SVEP1: variants seen among roughly 807,000 people sequenced by gnomAD.
SVEP1 encodes the protein sushi, von Willebrand factor type A, EGF and pentraxin domain containing 1.
In SVEP1, 164 loss-of-function variants were observed where a neutral mutation model predicts 367.3. The ratio of observed to expected loss-of-function variants is 0.45; its 90% CI spans 0.39 to 0.51. SVEP1 has a LOEUF of 0.51. Among genes scored for constraint, SVEP1 ranks in the 20% least tolerant of loss-of-function variants. SVEP1 has a pLI of 0.00. For synonymous variants in SVEP1, 1,666 were observed against 1,611.6 expected (o/e 1.03, Z -0.81); for missense variants, 4,117 against 4,425.3 (o/e 0.93, Z 1.98).
intron 36 of SVEP1, among the ~76,000 whole-genome samples, chr9:110,425,059 C>G (rs965712474): frequency 2.0e-5 from 3 of 152,132 alleles, no homozygotes; most frequent in African/African-American, 7.3e-5. Flanking sequence ...TCCTTCCAGT[C>G]TGGCCACTTT....
chr9:110,506,763 G>A (rs1003795889), intron 5 of SVEP1, among the ~76,000 whole-genome samples: 6 of 151,990 alleles, frequency 3.9e-5, no homozygotes, highest in South Asian at 2.1e-4. Context: ...AGGGAGGAGC[G>A]TAAAGGAGAA....
intron 3 of SVEP1, among the ~76,000 whole-genome samples, chr9:110,516,582 C>T (rs1370321210): frequency 6.6e-6 from 1 of 152,014 alleles, no homozygotes; most frequent in African/African-American, 2.4e-5. Flanking sequence ...CAGTAAATAT[C>T]TGATCAGGAT....
chr9:110,509,321 GA>G (rs1483475533), intron 5 of SVEP1, among the ~76,000 whole-genome samples: 2 of 152,198 alleles, frequency 1.3e-5, no homozygotes, highest in Admixed American at 1.3e-4. Context: ...AACAATATCT[GA>G]TGTAACTAAA....
chr9:110,402,832 G>T (rs1384744884), intron 39 of SVEP1, among the ~76,000 whole-genome samples: 1 of 152,098 alleles, frequency 6.6e-6, no homozygotes, highest in Non-Finnish European at 1.5e-5. Flanking sequence ...TAATAATTTG[G>T]CAATTATTTA....
Position 110,503,168 on chromosome 9 carries a change from A to G in SVEP1, c.1353T>C (p.Cys451=), listed in dbSNP as rs10120982. ...TCTTATATAACATTTCCCTTGTAGA[A>G]CAGCTGATGTGGCCATGTTTCGGCT... is the stretch of plus-strand genomic sequence containing the variant. ...LRQPKHGHIS[C]STREMLYKTT... is the part of the protein sequence containing the mutation. Residue 451 remains cysteine (C), a synonymous_variant, in exon 6 of 48, where the codon TGT becomes TGC. Transcript: ENST00000374469. The G allele has an allele frequency of 2.5e-3, 4,103 of 1,613,996 alleles. 61 individuals carry two copies. The African/African-American group carries it at 0.037, about 14-fold the overall frequency.
chr9:110,366,012 G>A lies in SVEP1; in HGVS notation c.*527C>T, dbSNP rs1827193365. 2 of 152,194 alleles carry A rather than the reference G, an allele frequency of 1.3e-5. No individual in the cohort carries two copies. The highest frequency in any genetic ancestry group is 4.8e-5 in the African/African-American group (2 of 41,430). 9.4% of individuals were successfully genotyped at this position (152,194 alleles called of 1,614,324 possible). On this transcript the variant is annotated 3_prime_UTR_variant, in exon 48 of 48. Transcript: ENST00000374469. ...TCTGATTGATTAAATGAAAGAAAAAGCTTTTATTATTACACATATTGTATA... is the reference window on the plus strand; with the variant it reads ...TCTGATTGATTAAATGAAAGAAAAAACTTTTATTATTACACATATTGTATA...
intron 8 of SVEP1, among the ~76,000 whole-genome samples, chr9:110,492,508 A>G (rs1013280270): frequency 6.6e-6 from 1 of 152,084 alleles, no homozygotes; most frequent in Non-Finnish European, 1.5e-5. Context: ...ACTTTATTAA[A>G]AAGACTATAT....
chr9:110,565,715 G>C (rs1438265607), intron 1 of SVEP1, among the ~76,000 whole-genome samples: 3 of 151,976 alleles, frequency 2.0e-5, no homozygotes, highest in Admixed American at 6.6e-5. Flanking sequence ...CCTTCTCTTA[G>C]TCCTGTATCT....
At chr9:110,503,629 T>C (rs1829575392) in intron 5 of SVEP1, among the ~76,000 whole-genome samples, 2 of 152,218 alleles carry the variant, frequency 1.3e-5, no homozygotes, top group South Asian at 4.1e-4. Context: ...AGGTTCATGA[T>C]CGACTTGGTT....
At chr9:110,520,942 T>C (rs1022440687) in intron 3 of SVEP1, among the ~76,000 whole-genome samples, 2 of 152,184 alleles carry the variant, frequency 1.3e-5, no homozygotes, top group African/African-American at 2.4e-5. Context: ...CCCCTGGAGT[T>C]GTACAACACC....
intron 43 of SVEP1, among the ~76,000 whole-genome samples, chr9:110,385,415 C>T (rs544185237): frequency 6.0e-4 from 91 of 152,320 alleles, no homozygotes; most frequent in African/African-American, 2.0e-3. Context: ...GTGCTAGCAA[C>T]GTAGTGCTTG....
At chr9:110,556,305 G>A (rs1830357059) in intron 1 of SVEP1, among the ~76,000 whole-genome samples, 1 of 152,066 alleles carries the variant, frequency 6.6e-6, no homozygotes, top group East Asian at 1.9e-4. Context: ...TTTGAAAAAT[G>A]GTCTTGAAAG....
chr9:110,392,282 T>C (rs1461074935), intron 40 of SVEP1, among the ~76,000 whole-genome samples: 1 of 151,976 alleles, frequency 6.6e-6, no homozygotes, highest in African/African-American at 2.4e-5. Context: ...TTTATTTGTC[T>C]TGGACACTGA....
In SVEP1 at chr9:110,469,112, A is replaced by G; in HGVS notation, c.2999-11T>C. On this transcript the variant is annotated splice_polypyrimidine_tract_variant and intron_variant, in intron 16 of 47. Transcript: ENST00000374469. ...CCAAAGGGCAATTGACTACAGAAAA[A>G]GCAAACAGGAAACACTGAATAAACT... 6.2e-7 allele frequency: 1 copy of G among 1,607,358 alleles called. No individual in the cohort carries two copies. The highest frequency in any genetic ancestry group is 8.5e-7 in the Non-Finnish European group (1 of 1,176,508).
At chr9:110,539,006 T>C (rs1361517310) in intron 3 of SVEP1, among the ~76,000 whole-genome samples, 1 of 152,142 alleles carries the variant, frequency 6.6e-6, no homozygotes, top group Non-Finnish European at 1.5e-5. Flanking sequence ...ACCTTTGTGC[T>C]AGGAATCCTG....
chr9:110,451,981 C>T (rs1828700946), intron 22 of SVEP1, among the ~76,000 whole-genome samples: 1 of 152,126 alleles, frequency 6.6e-6, no homozygotes, highest in South Asian at 2.1e-4. Flanking sequence ...AGGACAGGCA[C>T]AGAAATGAGC....
In SVEP1 at chr9:110,404,572, A is replaced by G; in HGVS notation, c.9441-20T>C. 6.2e-6 allele frequency: 10 copies of G among 1,607,424 alleles called. No homozygotes were observed. Among genetic ancestry groups the G allele is most frequent in the Non-Finnish European group, 8.5e-6 (10 of 1,173,898 alleles). On this transcript the variant is annotated intron_variant, in intron 38 of 47. Transcript: ENST00000374469. ...AGACATCTGCAATGGAAATGCAAAAATGAGTGCCTTAAATGAAGTACAATA... is the reference window on the plus strand; with the variant it reads ...AGACATCTGCAATGGAAATGCAAAAGTGAGTGCCTTAAATGAAGTACAATA...
chr9:110,579,633 C>T lies in SVEP1; in HGVS notation c.-90G>A, dbSNP rs1438146513. Reference sequence around the variant, plus strand: ...GCGGCCGGACTCGCAGAGGGGCGTGCGCGGAGCTGGGCGCGGGGCAGCGGC... The same window carrying T: ...GCGGCCGGACTCGCAGAGGGGCGTGTGCGGAGCTGGGCGCGGGGCAGCGGC... On this transcript the variant is annotated 5_prime_UTR_variant, in exon 1 of 48. Transcript: ENST00000374469. This position sits in a 1 kb window ranked among gnomAD's most constrained non-coding sequence, Gnocchi z 5.3. 1.3e-5 allele frequency: 18 copies of T among 1,404,048 alleles called. No individual in the cohort carries two copies. Among genetic ancestry groups the T allele is most frequent in the Non-Finnish European group, 1.7e-5 (18 of 1,081,642 alleles). 87.0% of individuals were successfully genotyped at this position (1,404,048 alleles called of 1,614,324 possible).
intron 40 of SVEP1, among the ~76,000 whole-genome samples, chr9:110,391,883 C>T (rs548342561): frequency 4.6e-5 from 7 of 151,940 alleles, no homozygotes; most frequent in Non-Finnish European, 8.8e-5. Flanking sequence ...TGGGGGGCAT[C>T]TTCCAAAACA....
Sources: allele counts gnomAD v4.1 joint callset (sites outside exome capture counted in the v4.1 genomes callset), GRCh38; gene constraint gnomAD v4.1.1; non-coding constraint Gnocchi (gnomAD v3.1); transcripts MANE v1.5; gene names NCBI Gene and HGNC (gene_info 2026-07-23, HGNC 2026-07-21).